The following MEGF10 variants were observed in gnomAD, a reference collection of about 807,000 sequenced individuals.
MEGF10 encodes the protein multiple EGF like domains 10, also known as multiple epidermal growth factor-like domains protein 10.
MEGF10 carries 86 observed loss-of-function variants against 147.5 expected under a neutral mutation model. That is an observed-to-expected ratio of 0.58 (90% CI 0.49 to 0.70). The LOEUF is 0.70. MEGF10 is among the 30% of genes least tolerant of loss of function. The pLI is 0.00. For missense variants in MEGF10, 1,329 were observed against 1,487.3 expected (o/e 0.89, Z 1.75); for synonymous variants, 478 against 525.5 (o/e 0.91, Z 1.24).
chr5:127,396,397 A>G (rs1763912717), intron 5 of MEGF10, 135 bp from the exon 6 acceptor site: 2 of 1,021,366 alleles, frequency 2.0e-6, no homozygotes, highest in South Asian at 2.3e-5. Flanking sequence ...AAGCATTGCC[A>G]TGGGTTGGGG....
At chr5:127,280,624 G>A in the MEGF10 span, among the ~76,000 whole-genome samples, 2 of 152,040 alleles carry the variant, frequency 1.3e-5, no homozygotes, top group African/African-American at 2.4e-5. Context: ...CTACATACAC[G>A]CGTGCAGTTT....
chr5:127,376,465 T>A (rs916028197), intron 5 of MEGF10, among the ~76,000 whole-genome samples: 1 of 152,030 alleles, frequency 6.6e-6, no homozygotes, highest in African/African-American at 2.4e-5. Context: ...CCATTCCCAA[T>A]AGAATGAGGA....
intron 1 of MEGF10, among the ~76,000 whole-genome samples, chr5:127,316,625 A>G (rs775320766): frequency 1.3e-5 from 2 of 152,178 alleles, no homozygotes; most frequent in Non-Finnish European, 2.9e-5. Flanking sequence ...TTTAAATATT[A>G]AGAATAATGA....
Position 127,374,198 on chromosome 5 carries a change from A to T in MEGF10, c.412+4196A>T, listed in dbSNP as rs1446752226. On this transcript the variant is annotated intron_variant, in intron 5 of 24. Transcript: ENST00000503335. The stretch of plus-strand genomic sequence containing the variant: ...GCCAGGTACTGGAGCAGCTATTGGC[A>T]CTGCGCTTACATTGCAGAAGCTTGG... Among the ~76,000 whole-genome samples, 5 of 152,236 alleles carry T rather than the reference A, an allele frequency of 3.3e-5. No individual in the cohort carries two copies. The South Asian group carries it at 1.0e-3, about 32-fold the overall frequency.
At chr5:127,246,936 G>GTATATATT in the MEGF10 span, among the ~76,000 whole-genome samples, 1 of 4,062 alleles carries the variant, frequency 2.5e-4, no homozygotes, top group Non-Finnish European at 4.5e-4. Flanking sequence ...AATAATATAT[G>GTATATATT]ATTATATTAT....
At chr5:127,305,930 C>T (rs1244833806) in intron 1 of MEGF10, among the ~76,000 whole-genome samples, 1 of 151,978 alleles carries the variant, frequency 6.6e-6, no homozygotes, top group Non-Finnish European at 1.5e-5. Flanking sequence ...AAAGTGATCA[C>T]CTTAATCTGT....
At chr5:127,310,027 T>G (rs1370209563) in intron 1 of MEGF10, among the ~76,000 whole-genome samples, 1 of 66,936 alleles carries the variant, frequency 1.5e-5, no homozygotes, top group African/African-American at 4.9e-5. Context: ...TTTTTCTTTC[T>G]TTCTTTCCTT....
Position 127,357,439 on chromosome 5 carries a change from G to A in MEGF10, c.320-12471G>A, listed in dbSNP as rs192061131. Among the ~76,000 whole-genome samples the A allele has an allele frequency of 1.6e-3, 236 of 151,838 alleles. 1 individual carries two copies. The highest frequency in any genetic ancestry group is 1.7e-3 in the Non-Finnish European group (114 of 67,932). On this transcript the variant is annotated intron_variant, in intron 4 of 24. Transcript: ENST00000503335. Reference sequence around the variant, plus strand: ...AAAATAGCTATATAAATGATAGATCGGGCAGCTGATACAGGGTCAAAAAAG... The same window carrying A: ...AAAATAGCTATATAAATGATAGATCAGGCAGCTGATACAGGGTCAAAAAAG...
the MEGF10 span, among the ~76,000 whole-genome samples, chr5:127,235,519 C>T: frequency 6.6e-6 from 1 of 152,224 alleles, no homozygotes; most frequent in South Asian, 2.1e-4. Flanking sequence ...CTATTTGTTG[C>T]CATATGAATA....
rs57144581 is a variant in MEGF10 at position 127,428,884 on chromosome 5, G to A, written c.1694-4479G>A. The stretch of plus-strand genomic sequence containing the variant: ...TGAATGCTGATTTCACATTGAGGCC[G>A]CTGGCATAATGCATCAGGCATTAAT... On this transcript the variant is annotated intron_variant, in intron 13 of 24. Transcript: ENST00000503335. Among the ~76,000 whole-genome samples the A allele has an allele frequency of 2.8e-3, 433 of 152,290 alleles. 2 individuals carry two copies. Among genetic ancestry groups the A allele is most frequent in the African/African-American group, 9.8e-3 (406 of 41,544 alleles).
At chr5:127,280,209 A>G in the MEGF10 span, among the ~76,000 whole-genome samples, 1 of 152,246 alleles carries the variant, frequency 6.6e-6, no homozygotes, top group East Asian at 1.9e-4. Context: ...CTCATTCAGG[A>G]GGGGTGGTGT....
rs1040392195 is a variant in MEGF10, at chr5:127,355,443, A to T, written c.320-14467A>T. Among the ~76,000 whole-genome samples, 16 of 152,268 alleles carry T rather than the reference A, an allele frequency of 1.1e-4. No individual in the cohort carries two copies. In the East Asian group the frequency reaches 1.4e-3, roughly 13 times the overall value. On this transcript the variant is annotated intron_variant, in intron 4 of 24. Transcript: ENST00000503335. ...ACAATCAGATGGTATGTTCCCAAAT[A>T]TACCTACCCATGATGCCCTCCCTGC... is the stretch of plus-strand genomic sequence containing the variant.
At chr5:127,456,954 T>A (rs546008835) in intron 24 of MEGF10, among the ~76,000 whole-genome samples, 174 bp from the exon 25 acceptor site, 1 of 152,364 alleles carries the variant, frequency 6.6e-6, no homozygotes, top group African/African-American at 2.4e-5. Context: ...TTGATCCAAC[T>A]ACACAGAGTT....
At position 127,424,216 on chromosome 5, in the gene MEGF10, TC is replaced by T; in HGVS notation, c.1693+1445del. On this transcript the variant is annotated intron_variant, in intron 13 of 24. Transcript: ENST00000503335. Reference sequence around the variant, plus strand: ...AGGATTTATTTCTGGACTCCGTATTTCATTTCATTTGTCTATATATCTCTCC... The same window carrying T: ...AGGATTTATTTCTGGACTCCGTATTTATTTCATTTGTCTATATATCTCTCC... 3 of 617,864 alleles carry T rather than the reference TC, an allele frequency of 4.9e-6. No individual in the cohort carries two copies. In the South Asian group the frequency reaches 5.8e-5, roughly 12 times the overall value. The allele number at this position is 617,864 out of a possible 1,614,324, so 38.3% of individuals were successfully genotyped here. A position where few individuals can be genotyped will look rare whatever the true frequency, so the allele number is the denominator to read the frequency against.
chr5:127,251,106 A>T, the MEGF10 span, among the ~76,000 whole-genome samples: 3 of 152,196 alleles, frequency 2.0e-5, no homozygotes, highest in African/African-American at 7.2e-5. Context: ...ATGCTATTTT[A>T]TTGGTCAAAT....
intron 13 of MEGF10, among the ~76,000 whole-genome samples, chr5:127,429,060 T>C (rs1765306805): frequency 6.6e-6 from 1 of 152,158 alleles, no homozygotes; most frequent in Non-Finnish European, 1.5e-5. Context: ...CATTAGAACA[T>C]TTATCAGAAA....
At chr5:127,284,688 A>C in the MEGF10 span, among the ~76,000 whole-genome samples, 101 of 127,772 alleles carry the variant, frequency 7.9e-4, 1 homozygote, top group Middle Eastern at 0.024. Context: ...GAAGTAAAAA[A>C]AATGATAACC....
the MEGF10 span, among the ~76,000 whole-genome samples, chr5:127,255,274 C>T: frequency 1.3e-5 from 2 of 152,084 alleles, no homozygotes; most frequent in African/African-American, 4.8e-5. Context: ...TTGAGGAAGT[C>T]ACAAATCTTG....
chr5:127,255,324 T>C, the MEGF10 span, among the ~76,000 whole-genome samples: 1 of 152,178 alleles, frequency 6.6e-6, no homozygotes, highest in African/African-American at 2.4e-5. Flanking sequence ...CAAGGGATTA[T>C]ACAGAAAAGC....
Sources: gnomAD v4.1 joint callset for allele counts (sites outside exome capture counted in the v4.1 genomes callset) on GRCh38, gnomAD v4.1.1 for gene constraint, MANE v1.5 for transcripts, NCBI Gene and HGNC (gene_info 2026-07-23, HGNC 2026-07-21) for gene names.